Variants in RIMS1 observed in about 807,000 individuals in gnomAD.
RIMS1 encodes regulating synaptic membrane exocytosis protein 1.
A neutral mutation model predicts 214.1 loss-of-function variants in RIMS1; 83 were observed. The observed-to-expected ratio is 0.39, with a 90% CI of 0.32 to 0.47. RIMS1 has a LOEUF of 0.47. Ranked by LOEUF, RIMS1 falls within the 20% of genes least tolerant of loss-of-function variation. RIMS1 has a pLI of 0.99. For missense variants in RIMS1, 2,050 were observed against 2,161.8 expected (o/e 0.95, Z 1.03); for synonymous variants, 793 against 786.8 (o/e 1.01, Z -0.13).
At chr6:71,972,205 G>A (rs544114374) in intron 2 of RIMS1, among the ~76,000 whole-genome samples, 4 of 152,278 alleles carry the variant, frequency 2.6e-5, no homozygotes, top group South Asian at 4.1e-4. Context: ...AAATGCAGCA[G>A]AAAATCAAGA....
chr6:72,357,442 ATAGACT>A (rs2097683750), intron 29 of RIMS1, among the ~76,000 whole-genome samples: 1 of 152,206 alleles, frequency 6.6e-6, no homozygotes, highest in Non-Finnish European at 1.5e-5. Context: ...GGTGTAACAA[ATAGACT>A]TAGGGGATTG....
chr6:72,088,550 G>A (rs899646289), intron 2 of RIMS1, among the ~76,000 whole-genome samples: 27 of 152,054 alleles, frequency 1.8e-4, no homozygotes, highest in Non-Finnish European at 4.4e-5. Flanking sequence ...GAGCCACTGT[G>A]CCCGGTCACT....
intron 4 of RIMS1, among the ~76,000 whole-genome samples, chr6:72,106,195 T>G (rs1452926306): frequency 1.3e-5 from 2 of 152,182 alleles, no homozygotes; most frequent in African/African-American, 4.8e-5. Context: ...TTTCAGAAAG[T>G]AATCCTTTTG....
At position 72,182,384 on chromosome 6, in the gene RIMS1, G is replaced by C. The variant is rs886061705; in HGVS notation, c.913G>C (p.Val305Leu). The change falls in exon 6 of 34, where the codon GTC (valine) becomes CTC (leucine). Residue 305 changes from valine (V) to leucine (L), a missense_variant. By Grantham distance (32) the Val-to-Leu change is conservative. Transcript: ENST00000521978. ...KTSAQPVEGA[V>L]EERERKERRE... ...CTCAGCGCAGCCCGTGGAGGGGGCC[G>C]TCGAAGAACGGGAGCGCAAAGAAAG... 6.2e-7 allele frequency: 1 copy of C among 1,613,912 alleles called. No homozygotes were observed.
intron 4 of RIMS1, among the ~76,000 whole-genome samples, chr6:72,163,874 G>T (rs2153939501): frequency 6.6e-6 from 1 of 152,206 alleles, no homozygotes; most frequent in Non-Finnish European, 1.5e-5. Context: ...TCCGTTCTCA[G>T]ATCTCCAGCT....
chr6:72,384,172 G>A (rs1414361443), intron 29 of RIMS1, among the ~76,000 whole-genome samples: 1 of 152,032 alleles, frequency 6.6e-6, no homozygotes, highest in Non-Finnish European at 1.5e-5. Context: ...GTTTTTCCCT[G>A]TTCATCTAAT....
intron 2 of RIMS1, among the ~76,000 whole-genome samples, chr6:72,017,830 A>G (rs1201877185): frequency 6.6e-6 from 1 of 152,220 alleles, no homozygotes. Context: ...TTCAGTAACA[A>G]CCTGAAAGAA....
At chr6:72,338,538 C>T (rs980940040) in intron 29 of RIMS1, among the ~76,000 whole-genome samples, 1 of 152,000 alleles carries the variant, frequency 6.6e-6, no homozygotes, top group Non-Finnish European at 1.5e-5. Flanking sequence ...AGGCAACCTA[C>T]AGAATGGGAG....
chr6:72,051,673 G>A lies in RIMS1; in HGVS notation c.246-45276G>A, dbSNP rs556061415. ...TGCTGTGAAGCCTCATTAAAGCTTG[G>A]TATCAACTACAAGACAGTAAATCAC... On this transcript the variant is annotated intron_variant, in intron 2 of 33. Coordinates refer to ENST00000521978, the MANE Select transcript of RIMS1 (RefSeq NM_014989.7). 3.4e-4 allele frequency among the ~76,000 whole-genome samples: 52 copies of A among 152,196 alleles called. No homozygotes were observed. In the South Asian group the frequency reaches 7.9e-3, roughly 23 times the overall value.
rs535323781 is a variant in RIMS1 at position 72,071,326 on chromosome 6, G to C, written c.246-25623G>C. Among the ~76,000 whole-genome samples the C allele has an allele frequency of 1.2e-4, 18 of 152,188 alleles. No individual in the cohort carries two copies. In the South Asian group the frequency reaches 3.5e-3, roughly 30 times the overall value. On this transcript the variant is annotated intron_variant, in intron 2 of 33. Transcript: ENST00000521978. ...TGAGGTGGGAGGATAACTTGAGCCC[G>C]GGAATTCAGGCAGCAGTGAGCCCTG...
At chr6:72,250,834 T>C (rs2072978374) in intron 13 of RIMS1, 87 bp from the exon 14 acceptor site, 1 of 688,434 alleles carries the variant, frequency 1.5e-6, no homozygotes. Context: ...TAAAATAATA[T>C]AAATATCAAT....
intron 6 of RIMS1, among the ~76,000 whole-genome samples, chr6:72,209,920 A>AAAAAG (rs2053547006): frequency 6.6e-6 from 1 of 151,288 alleles, no homozygotes; most frequent in Non-Finnish European, 1.5e-5. Flanking sequence ...AAAAAAAAAA[A>AAAAAG]AAAAGGGAAA....
intron 2 of RIMS1, among the ~76,000 whole-genome samples, chr6:72,063,058 A>C (rs1007748354): frequency 6.6e-6 from 1 of 152,166 alleles, no homozygotes; most frequent in Non-Finnish European, 1.5e-5. Flanking sequence ...GGAGGTCATA[A>C]TTCAACCCAT....
intron 2 of RIMS1, among the ~76,000 whole-genome samples, chr6:72,032,157 G>A (rs180913388): frequency 2.3e-4 from 35 of 151,888 alleles, no homozygotes; most frequent in Admixed American, 7.9e-4. Flanking sequence ...TGTGTTTGTG[G>A]GGAGGTATGT....
intron 4 of RIMS1, among the ~76,000 whole-genome samples, chr6:72,133,017 A>G (rs559497174): frequency 1.3e-5 from 2 of 152,274 alleles, no homozygotes; most frequent in South Asian, 4.1e-4. Flanking sequence ...AAATTGAGTC[A>G]CAGCACAATT....
chr6:71,976,856 T>C (rs1178245528), intron 2 of RIMS1, among the ~76,000 whole-genome samples: 1 of 152,172 alleles, frequency 6.6e-6, no homozygotes, highest in Non-Finnish European at 1.5e-5. Context: ...CTTGAAAATA[T>C]GATTTCTTAT....
intron 4 of RIMS1, among the ~76,000 whole-genome samples, chr6:72,110,971 C>A (rs953007636): frequency 6.6e-6 from 1 of 152,146 alleles, no homozygotes; most frequent in East Asian, 1.9e-4. Flanking sequence ...TAGGGAGTGT[C>A]TAAAATAAAT....
chr6:71,975,952 A>G (rs929167630), intron 2 of RIMS1, among the ~76,000 whole-genome samples: 2 of 152,058 alleles, frequency 1.3e-5, no homozygotes, highest in Non-Finnish European at 2.9e-5. Flanking sequence ...TTATTCATCC[A>G]TCAGTTAATG....
chr6:72,197,698 A>G lies in RIMS1; in HGVS notation c.1678+14549A>G, dbSNP rs188307638. Among the ~76,000 whole-genome samples, 512 of 152,174 alleles carry G rather than the reference A, an allele frequency of 3.4e-3. 2 individuals are homozygous for G. Among genetic ancestry groups the G allele is most frequent in the African/African-American group, 0.011 (469 of 41,530 alleles). On this transcript the variant is annotated intron_variant, in intron 6 of 33. Coordinates refer to ENST00000521978, the MANE Select transcript of RIMS1 (RefSeq NM_014989.7). ...GGTATGGTATCTGGGCAATTCTCCA[A>G]GCCAGGAAATAAAATAACCTGATCT...
Sources: gnomAD v4.1 joint callset for allele counts (sites outside exome capture counted in the v4.1 genomes callset) on GRCh38, gnomAD v4.1.1 for gene constraint, MANE v1.5 for transcripts, NCBI Gene and HGNC (gene_info 2026-07-23, HGNC 2026-07-21) for gene names.